The following ERC2 variants were observed in gnomAD, a reference collection of about 807,000 sequenced individuals.
The protein encoded by ERC2 is ERC protein 2.
Under a neutral mutation model 114.8 loss-of-function variants are expected in ERC2, and 42 were observed. That is an observed-to-expected ratio of 0.37 (90% confidence interval 0.29 to 0.47). ERC2 has a LOEUF of 0.47. Ranked by LOEUF, ERC2 falls within the 20% of genes least tolerant of loss-of-function variation. The probability of loss-of-function intolerance (pLI) is 0.99; values close to 1 mark genes in which losing one functional copy is unlikely to be tolerated. For missense variants in ERC2, 939 were observed against 1,150.7 expected, an observed-to-expected ratio of 0.82 and a Z score of 2.66; for synonymous variants, 454 against 425.5, an observed-to-expected ratio of 1.07 and a Z score of -0.82.
At chr3:55,919,900 C>T (rs1277883178) in intron 13 of ERC2, among the ~76,000 whole-genome samples, 3 of 152,060 alleles carry the variant, frequency 2.0e-5, no homozygotes, top group Non-Finnish European at 4.4e-5. Flanking sequence ...AAGGAGGAGG[C>T]CACTGAGTAA....
At chr3:55,724,378 C>G (rs79327000) in intron 15 of ERC2, among the ~76,000 whole-genome samples, 1 of 152,112 alleles carries the variant, frequency 6.6e-6, no homozygotes, top group Non-Finnish European at 1.5e-5. Flanking sequence ...TTTTTAGCCT[C>G]AAGTTTACAG....
intron 2 of ERC2, among the ~76,000 whole-genome samples, chr3:56,305,978 T>C (rs1320597949): frequency 6.6e-6 from 1 of 152,098 alleles, no homozygotes; most frequent in African/African-American, 2.4e-5. Flanking sequence ...GCCTCCCACG[T>C]AGCTGGGACT....
At chr3:55,780,137 C>T (rs1471348979) in intron 14 of ERC2, among the ~76,000 whole-genome samples, 1 of 152,118 alleles carries the variant, frequency 6.6e-6, no homozygotes, top group Non-Finnish European at 1.5e-5. Flanking sequence ...CAAGGATGCT[C>T]ACTATAACCA....
At chr3:55,524,252 G>A (rs2053157946) in intron 17 of ERC2, among the ~76,000 whole-genome samples, 1 of 152,148 alleles carries the variant, frequency 6.6e-6, no homozygotes, top group South Asian at 2.1e-4. Flanking sequence ...ACCACAGTGG[G>A]GTGTTCATGC....
chr3:56,018,728 C>T (rs1560031968), intron 8 of ERC2, among the ~76,000 whole-genome samples, 166 bp downstream of exon 8: 1 of 152,098 alleles, frequency 6.6e-6, no homozygotes, highest in Non-Finnish European at 1.5e-5. Context: ...CTGTAGTATG[C>T]CAAGTCCACT....
At chr3:56,186,128 A>AAAAAAAAAAAAAAAAAAAAAAAAAAAC (rs2083595198) in intron 3 of ERC2, among the ~76,000 whole-genome samples, 1 of 65,090 alleles carries the variant, frequency 1.5e-5, no homozygotes, top group Non-Finnish European at 3.6e-5. Flanking sequence ...AAAAAAAAAA[A>AAAAAAAAAAAAAAAAAAAAAAAAAAAC]AAAAAAAAAA....
At chr3:55,766,173 T>C (rs760214485) in intron 14 of ERC2, among the ~76,000 whole-genome samples, 13 of 151,508 alleles carry the variant, frequency 8.6e-5, no homozygotes, top group Non-Finnish European at 1.2e-4. Context: ...CAAAACCTGC[T>C]GTGGCCAAGG....
At chr3:55,649,847 C>T (rs994717004) in intron 17 of ERC2, among the ~76,000 whole-genome samples, 2 of 152,170 alleles carry the variant, frequency 1.3e-5, no homozygotes, top group Non-Finnish European at 2.9e-5. Flanking sequence ...CCTTTTAACA[C>T]ACTTCTAAAA....
At chr3:56,209,051 C>T (rs573958019) in intron 3 of ERC2, among the ~76,000 whole-genome samples, 17 of 152,252 alleles carry the variant, frequency 1.1e-4, no homozygotes, top group African/African-American at 3.6e-4. Context: ...TGCTGAACCC[C>T]TTCAAAGGCT....
intron 14 of ERC2, among the ~76,000 whole-genome samples, chr3:55,790,205 C>A (rs62249347): frequency 0.091 from 13,869 of 152,180 alleles, 1,015 homozygotes; most frequent in African/African-American, 0.2. Flanking sequence ...CATCTCTCAA[C>A]ACGCTCCAGC....
intron 7 of ERC2, among the ~76,000 whole-genome samples, chr3:56,032,999 G>GAAAGAAAA (rs2074533056): frequency 9.3e-6 from 1 of 107,320 alleles, no homozygotes; most frequent in African/African-American, 3.4e-5. Flanking sequence ...AAGAAAGAAA[G>GAAAGAAAA]AAAGAAAGAA....
intron 6 of ERC2, among the ~76,000 whole-genome samples, chr3:56,089,123 G>T (rs1277795631): frequency 1.3e-5 from 2 of 152,122 alleles, no homozygotes; most frequent in Non-Finnish European, 2.9e-5. Flanking sequence ...ACAGATGGGT[G>T]TATTACCCAA....
chr3:56,451,727 C>T (rs1283453455), intron 1 of ERC2, among the ~76,000 whole-genome samples: 2 of 152,198 alleles, frequency 1.3e-5, no homozygotes, highest in African/African-American at 4.8e-5. Flanking sequence ...AGGGAAATTA[C>T]AGGACATAAT....
chr3:55,633,980 G>T (rs2059856435), intron 17 of ERC2, among the ~76,000 whole-genome samples: 1 of 152,150 alleles, frequency 6.6e-6, no homozygotes, highest in African/African-American at 2.4e-5. Context: ...CTTCATTTGT[G>T]TTCCAAGATC....
intron 2 of ERC2, among the ~76,000 whole-genome samples, chr3:56,385,092 T>A (rs2059888059): frequency 6.6e-6 from 1 of 152,126 alleles, no homozygotes; most frequent in East Asian, 1.9e-4. Context: ...ATTCCACCAG[T>A]AAGGATGTAT....
At chr3:56,114,279 T>A (rs997639701) in intron 6 of ERC2, among the ~76,000 whole-genome samples, 1 of 152,214 alleles carries the variant, frequency 6.6e-6, no homozygotes, top group African/African-American at 2.4e-5. Flanking sequence ...ACAGGCATCC[T>A]GTATGAGTAG....
At chr3:55,593,994 C>A (rs1417847555) in intron 17 of ERC2, among the ~76,000 whole-genome samples, 1 of 152,186 alleles carries the variant, frequency 6.6e-6, no homozygotes, top group Non-Finnish European at 1.5e-5. Context: ...TCCTGCCCAG[C>A]CTTCTTCATC....
rs536773760 is a variant in ERC2, at chr3:55,780,008, T to C, written c.2565-45090A>G. 4.6e-5 allele frequency among the ~76,000 whole-genome samples: 7 copies of C among 152,288 alleles called. No homozygotes were observed. In the South Asian group the frequency reaches 1.0e-3, roughly 23 times the overall value. On this transcript the variant is annotated intron_variant, in intron 14 of 17. Transcript: ENST00000288221. ...AATAAAAATTCAACAATTCTTGATA[T>C]AAAATCACAGGAAACTAAGAATAAG...
At chr3:56,448,133 C>G (rs2062664072) in intron 1 of ERC2, among the ~76,000 whole-genome samples, 1 of 152,122 alleles carries the variant, frequency 6.6e-6, no homozygotes, top group Non-Finnish European at 1.5e-5. Flanking sequence ...CAAAGCCTCT[C>G]TCATGTCCAG....
Sources: gnomAD v4.1 joint callset for allele counts (sites outside exome capture counted in the v4.1 genomes callset) on GRCh38, gnomAD v4.1.1 for gene constraint, MANE v1.5 for transcripts, NCBI Gene and HGNC (gene_info 2026-07-23, HGNC 2026-07-21) for gene names.